Variants in MSRA observed in about 807,000 individuals in gnomAD.
MSRA encodes the protein mitochondrial peptide methionine sulfoxide reductase.
Under a neutral mutation model 31.3 loss-of-function variants are expected in MSRA, and 54 were observed. That is an observed-to-expected ratio of 1.73 (90% CI 1.39 to 2.17). The LOEUF (loss-of-function observed/expected upper bound fraction) is 2.17. MSRA is among the 30% of genes most tolerant of loss of function. The probability of loss-of-function intolerance (pLI) is 0.00; values close to 1 mark genes in which losing one functional copy is unlikely to be tolerated. For missense variants in MSRA, 507 were observed against 300.9 expected, an observed-to-expected ratio of 1.69 and a Z score of -5.07; for synonymous variants, 169 against 116.5, an observed-to-expected ratio of 1.45 and a Z score of -2.90.
chr8:10,198,420 C>G (rs1310638425), intron 1 of MSRA, among the ~76,000 whole-genome samples: 2 of 152,014 alleles, frequency 1.3e-5, no homozygotes, highest in African/African-American at 4.8e-5. Context: ...TTAAAAGTTA[C>G]CATATAATAC....
intron 1 of MSRA, among the ~76,000 whole-genome samples, chr8:10,101,841 A>G (rs755240366): frequency 1.1e-4 from 16 of 152,208 alleles, no homozygotes; most frequent in Non-Finnish European, 1.9e-4. Flanking sequence ...TAATGGTGCT[A>G]TGAACATGAG....
At chr8:10,376,850 A>G (rs1326714316) in intron 5 of MSRA, among the ~76,000 whole-genome samples, 1 of 152,242 alleles carries the variant, frequency 6.6e-6, no homozygotes, top group African/African-American at 2.4e-5. Flanking sequence ...TCCTGGGCAT[A>G]GCCACAATAA....
intron 3 of MSRA, among the ~76,000 whole-genome samples, chr8:10,263,469 A>G (rs537559263): frequency 1.8e-4 from 28 of 152,348 alleles, no homozygotes; most frequent in Admixed American, 7.2e-4. Flanking sequence ...GGTTAATGCC[A>G]TATGCATTTT....
chr8:10,080,894 A>G (rs1345816284), intron 1 of MSRA, among the ~76,000 whole-genome samples: 2 of 152,104 alleles, frequency 1.3e-5, no homozygotes, highest in Non-Finnish European at 2.9e-5. Context: ...GCTAAAGACT[A>G]GTGTTTCTTA....
intron 5 of MSRA, among the ~76,000 whole-genome samples, chr8:10,391,458 G>A (rs185387403): frequency 6.6e-6 from 1 of 152,272 alleles, no homozygotes; most frequent in East Asian, 1.9e-4. Flanking sequence ...GAGTATCTGT[G>A]GCATTCTCTG....
At chr8:10,309,900 C>T (rs1390639698) in intron 4 of MSRA, among the ~76,000 whole-genome samples, 1 of 152,190 alleles carries the variant, frequency 6.6e-6, no homozygotes, top group African/African-American at 2.4e-5. Flanking sequence ...AGGTTGGCTC[C>T]CGAGCCTCTT....
At chr8:10,083,810 T>C (rs1352471669) in intron 1 of MSRA, among the ~76,000 whole-genome samples, 3 of 152,240 alleles carry the variant, frequency 2.0e-5, no homozygotes, top group South Asian at 2.1e-4. Context: ...GTATTCACGA[T>C]GTTTCAGACC....
intron 1 of MSRA, among the ~76,000 whole-genome samples, chr8:10,077,374 T>C (rs911486835): frequency 3.3e-5 from 5 of 151,912 alleles, no homozygotes; most frequent in South Asian, 2.1e-4. Flanking sequence ...GACTCAAAAA[T>C]GTGTGTATTC....
rs186695968 is a variant in MSRA at position 10,101,944 on chromosome 8, G to A, written c.142+47286G>A. The stretch of plus-strand genomic sequence containing the variant: ...GGTTGACAATTTCTTTTTTTTCAGC[G>A]CAACTTCAGTTGTACTCCCTTCTTT... On this transcript the variant is annotated intron_variant, in intron 1 of 5. Coordinates refer to ENST00000317173, the MANE Select transcript of MSRA (RefSeq NM_012331.5). Among the ~76,000 whole-genome samples the A allele has an allele frequency of 3.3e-3, 495 of 152,004 alleles. 4 individuals are homozygous for A. Among genetic ancestry groups the A allele is most frequent in the African/African-American group, 0.01 (430 of 41,484 alleles).
chr8:10,315,955 TCAC>T (rs1381405657), intron 4 of MSRA, among the ~76,000 whole-genome samples: 1 of 152,224 alleles, frequency 6.6e-6, no homozygotes, highest in African/African-American at 2.4e-5. Flanking sequence ...CATGAAGAAA[TCAC>T]CACATCTTGT....
intron 4 of MSRA, among the ~76,000 whole-genome samples, chr8:10,308,832 T>C (rs573750682): frequency 3.9e-5 from 6 of 152,350 alleles, no homozygotes; most frequent in Admixed American, 3.9e-4. Flanking sequence ...CTGCAAGTCT[T>C]TGGAACCTCA....
intron 3 of MSRA, among the ~76,000 whole-genome samples, chr8:10,262,784 G>C (rs185293081): frequency 1.4e-3 from 219 of 152,310 alleles, no homozygotes; most frequent in Non-Finnish European, 2.0e-3. Flanking sequence ...GGCTCTGTTA[G>C]TCTCAATATT....
intron 3 of MSRA, chr8:10,250,731 A>G (rs1797872656): frequency 2.1e-6 from 1 of 486,406 alleles, no homozygotes; most frequent in Admixed American, 3.5e-5. Flanking sequence ...TGCAAAACCT[A>G]AAATATTTAC....
At chr8:10,205,894 A>G (rs1399597589) in intron 1 of MSRA, among the ~76,000 whole-genome samples, 1 of 152,230 alleles carries the variant, frequency 6.6e-6, no homozygotes, top group Non-Finnish European at 1.5e-5. Flanking sequence ...GGCTGCATTT[A>G]AAACATGTTG....
At chr8:10,120,896 C>G (rs901661830) in intron 1 of MSRA, among the ~76,000 whole-genome samples, 2 of 152,112 alleles carry the variant, frequency 1.3e-5, no homozygotes, top group Admixed American at 1.3e-4. Flanking sequence ...CCAAGAGTCT[C>G]CTGTGTGTGT....
chr8:10,132,164 G>A (rs1037907170), intron 1 of MSRA, among the ~76,000 whole-genome samples: 4 of 152,206 alleles, frequency 2.6e-5, no homozygotes, highest in African/African-American at 9.7e-5. Context: ...TCAATGAGGT[G>A]ATATTGGTCC....
intron 5 of MSRA, among the ~76,000 whole-genome samples, chr8:10,394,082 G>T (rs535139684): frequency 4.6e-5 from 7 of 152,316 alleles, no homozygotes; most frequent in African/African-American, 1.7e-4. Flanking sequence ...GGAACTATGA[G>T]CTAGACGGCA....
intron 5 of MSRA, chr8:10,337,868 T>A (rs145467365): frequency 1.4e-6 from 1 of 699,036 alleles, no homozygotes; most frequent in East Asian, 2.7e-5. Flanking sequence ...TGTAAAGTGG[T>A]CCTCACAAAT....
Position 10,158,435 on chromosome 8 carries a change from T to G in MSRA, c.143-49398T>G, listed in dbSNP as rs183323561. The stretch of plus-strand genomic sequence containing the variant: ...AATCTACTTTCTGTGTCTATAGATT[T>G]GTCAATTTTGGATACTTTACATAGG... On this transcript the variant is annotated intron_variant, in intron 1 of 5. Transcript: ENST00000317173. Among the ~76,000 whole-genome samples, 225 of 152,358 alleles carry G rather than the reference T, an allele frequency of 1.5e-3. 2 individuals are homozygous for G. Among genetic ancestry groups the G allele is most frequent in the African/African-American group, 5.0e-3 (209 of 41,588 alleles).
Sources: gnomAD v4.1 joint callset for allele counts (sites outside exome capture counted in the v4.1 genomes callset) on GRCh38, gnomAD v4.1.1 for gene constraint, MANE v1.5 for transcripts, NCBI Gene and HGNC (gene_info 2026-07-23, HGNC 2026-07-21) for gene names.